PPP3R1: variants seen among roughly 807,000 people sequenced by gnomAD.
The protein encoded by PPP3R1 is calcineurin subunit B type 1.
Under a neutral mutation model 22.6 loss-of-function variants are expected in PPP3R1, and 5 were observed. The ratio of observed to expected loss-of-function variants is 0.22; its 90% CI spans 0.12 to 0.46. The LOEUF (loss-of-function observed/expected upper bound fraction) is 0.46. Ranked by LOEUF, PPP3R1 falls within the 20% of genes least tolerant of loss-of-function variation. The pLI, the probability that PPP3R1 is intolerant of heterozygous loss-of-function variation, is 0.99. For missense variants in PPP3R1, 61 were observed against 203.2 expected (o/e 0.30, Z 4.25); for synonymous variants, 56 against 65.2 (o/e 0.86, Z 0.68).
chr2:68,218,727 A>AGTT (rs151121530), intron 1 of PPP3R1, among the ~76,000 whole-genome samples: 37,592 of 104,050 alleles, frequency 0.36, 5,515 homozygotes, highest in South Asian at 0.56. Flanking sequence ...TGTCACTGTG[A>AGTT]GTTTTTTTTT....
At chr2:68,225,197 C>T (rs1326131851) in intron 1 of PPP3R1, among the ~76,000 whole-genome samples, 2 of 152,168 alleles carry the variant, frequency 1.3e-5, no homozygotes, top group Admixed American at 6.5e-5. Flanking sequence ...GGATTTTGCA[C>T]ATGTAATTAA....
chr2:68,188,187 A>G (rs1476089308), intron 3 of PPP3R1, among the ~76,000 whole-genome samples: 1 of 152,160 alleles, frequency 6.6e-6, no homozygotes, highest in African/African-American at 2.4e-5. Context: ...TTAAATAAAT[A>G]AATAAAAGGA....
In PPP3R1 at chr2:68,252,238, G is replaced by A; in HGVS notation, c.-111C>T. ...GCCCAGCTGCGGCCCTCGGGTCGCC[G>A]GCGGGGAGGGGGCGCGCGTGGGGGA... On this transcript the variant is annotated 5_prime_UTR_variant, in exon 1 of 6. Transcript: ENST00000234310. 1.8e-6 allele frequency: 2 copies of A among 1,111,992 alleles called. No homozygotes were observed. The highest frequency in any genetic ancestry group is 2.2e-6 in the Non-Finnish European group (2 of 905,444). 68.9% of individuals were successfully genotyped at this position (1,111,992 alleles called of 1,614,324 possible).
At chr2:68,198,219 C>T (rs1674846122) in intron 2 of PPP3R1, among the ~76,000 whole-genome samples, 3 of 129,886 alleles carry the variant, frequency 2.3e-5, no homozygotes, top group Non-Finnish European at 4.9e-5. Flanking sequence ...TACATATATA[C>T]ATTTTACATA....
intron 1 of PPP3R1, among the ~76,000 whole-genome samples, chr2:68,226,791 G>A (rs1302188827): frequency 6.6e-6 from 1 of 152,092 alleles, no homozygotes; most frequent in Non-Finnish European, 1.5e-5. Flanking sequence ...CCTAATTTAA[G>A]CATCAATGCG....
intron 1 of PPP3R1, among the ~76,000 whole-genome samples, chr2:68,226,349 A>G (rs1035087249): frequency 5.3e-5 from 8 of 152,202 alleles, no homozygotes; most frequent in Non-Finnish European, 8.8e-5. Context: ...GCTGATTTTT[A>G]TAACTCAAAA....
intron 2 of PPP3R1, among the ~76,000 whole-genome samples, chr2:68,213,955 A>C (rs1669530423): frequency 6.6e-6 from 1 of 152,204 alleles, no homozygotes; most frequent in South Asian, 2.1e-4. Context: ...TGGTACAAAA[A>C]CAGATATACA....
chr2:68,229,895 TATAC>T (rs1391991030), intron 1 of PPP3R1, among the ~76,000 whole-genome samples: 2 of 151,876 alleles, frequency 1.3e-5, no homozygotes. Context: ...TGTATATATA[TATAC>T]GGGTGTGTGT....
intron 1 of PPP3R1, among the ~76,000 whole-genome samples, chr2:68,244,511 A>G (rs1014565446): frequency 7.9e-5 from 12 of 152,262 alleles, no homozygotes; most frequent in South Asian, 2.1e-4. Context: ...TTATTAAAAC[A>G]TATCTGTTGC....
At chr2:68,246,990 C>T (rs1161106188) in intron 1 of PPP3R1, among the ~76,000 whole-genome samples, 1 of 151,908 alleles carries the variant, frequency 6.6e-6, no homozygotes, top group African/African-American at 2.4e-5. Context: ...CAGTCTTGCT[C>T]TGTCACCCAG....
intron 1 of PPP3R1, among the ~76,000 whole-genome samples, chr2:68,237,601 C>T (rs1476744167): frequency 6.6e-6 from 1 of 152,044 alleles, no homozygotes; most frequent in Admixed American, 6.6e-5. Flanking sequence ...AAAACAGCTG[C>T]TACATGTTAA....
At chr2:68,215,465 A>G (rs560315239) in intron 2 of PPP3R1, among the ~76,000 whole-genome samples, 6 of 152,148 alleles carry the variant, frequency 3.9e-5, no homozygotes, top group South Asian at 2.1e-4. Context: ...ACACACCAAC[A>G]AATCCAAATC....
chr2:68,213,179 C>T (rs1669517928), intron 2 of PPP3R1, among the ~76,000 whole-genome samples: 1 of 152,134 alleles, frequency 6.6e-6, no homozygotes, highest in Non-Finnish European at 1.5e-5. Flanking sequence ...AGAACTTTTC[C>T]TTTGCATTCA....
intron 1 of PPP3R1, among the ~76,000 whole-genome samples, chr2:68,251,464 A>G (rs1670349889): frequency 6.6e-6 from 1 of 152,262 alleles, no homozygotes; most frequent in South Asian, 2.1e-4. Flanking sequence ...TTTCGTGAAC[A>G]AACACCTTGG....
At chr2:68,235,055 T>C (rs941161509) in intron 1 of PPP3R1, among the ~76,000 whole-genome samples, 2 of 152,182 alleles carry the variant, frequency 1.3e-5, no homozygotes, top group South Asian at 4.1e-4. Context: ...TACTTAAATT[T>C]TGAATGAAAA....
chr2:68,241,381 A>G (rs777601884), intron 1 of PPP3R1, among the ~76,000 whole-genome samples: 3 of 152,174 alleles, frequency 2.0e-5, no homozygotes, highest in East Asian at 1.9e-4. Context: ...GGCCAACTGT[A>G]TATGTCACAA....
chr2:68,188,453 A>G (rs1457119745), intron 3 of PPP3R1, 61 bp downstream of exon 3: 7 of 1,262,792 alleles, frequency 5.5e-6, no homozygotes, highest in Middle Eastern at 2.2e-4. Flanking sequence ...TTTTACACAG[A>G]GCTGTAAGAA....
chr2:68,235,195 T>C (rs1206082240), intron 1 of PPP3R1, among the ~76,000 whole-genome samples: 1 of 152,250 alleles, frequency 6.6e-6, no homozygotes, highest in Non-Finnish European at 1.5e-5. Context: ...CCACCTGTTT[T>C]GTTTTATTAC....
rs1420564757 is a variant in PPP3R1 at position 68,252,483 on chromosome 2, C to T, written c.-356G>A. 6 of 979,570 alleles carry T rather than the reference C, an allele frequency of 6.1e-6. No homozygotes were observed. The highest frequency in any genetic ancestry group is 3.7e-5 in the African/African-American group (2 of 54,068). The allele number at this position is 979,570 out of a possible 1,614,324, so 60.7% of individuals were successfully genotyped here. On this transcript the variant is annotated 5_prime_UTR_variant, in exon 1 of 6. Transcript: ENST00000234310. Reference sequence around the variant, plus strand: ...TGCAGCCTCGCGCTCGCGCCGGAGCCGTGACGGACTCACTGCAGCGGCTCG... The same window carrying T: ...TGCAGCCTCGCGCTCGCGCCGGAGCTGTGACGGACTCACTGCAGCGGCTCG...
Sources: gnomAD v4.1 joint callset for allele counts (sites outside exome capture counted in the v4.1 genomes callset) on GRCh38, gnomAD v4.1.1 for gene constraint, MANE v1.5 for transcripts, NCBI Gene and HGNC (gene_info 2026-07-23, HGNC 2026-07-21) for gene names.